The following ACAA1 variants were observed in gnomAD, a reference collection of about 807,000 sequenced individuals.
ACAA1 encodes the protein 3-ketoacyl-CoA thiolase, peroxisomal.
In ACAA1, 44 loss-of-function variants were observed where a neutral mutation model predicts 48.8. The observed-to-expected ratio is 0.90, with a 90% confidence interval of 0.71 to 1.16. ACAA1 has a LOEUF of 1.16. Among genes scored for constraint, ACAA1 ranks in the 50% most tolerant of loss-of-function variants. The pLI is 0.00. For missense variants in ACAA1, 512 were observed against 562.3 expected (o/e 0.91, Z 0.90); for synonymous variants, 233 against 226.5 (o/e 1.03, Z -0.26).
intron 4 of ACAA1, 44 bp downstream of exon 4, chr3:38,131,882 A>T (rs1700796480): frequency 6.4e-7 from 1 of 1,567,618 alleles, no homozygotes; most frequent in South Asian, 1.1e-5. Context: ...GCTGACCCAA[A>T]CCCACAGGTC....
intron 5 of ACAA1, among the ~76,000 whole-genome samples, chr3:38,131,140 G>T (rs939554948): frequency 7.2e-5 from 11 of 152,344 alleles, no homozygotes; most frequent in African/African-American, 2.6e-4. Context: ...GCAGCTGGAA[G>T]TTTCCACACT....
chr3:38,125,482 C>G, intron 11 of ACAA1, 83 bp downstream of exon 11: 1 of 1,475,020 alleles, frequency 6.8e-7, no homozygotes, highest in Non-Finnish European at 9.1e-7. Context: ...TGATCCAAAG[C>G]CCACCTACCT....
Position 38,129,443 on chromosome 3 carries a change from C to T in ACAA1, c.447-55G>A. The T allele has an allele frequency of 1.4e-6, 2 of 1,384,288 alleles. No individual in the cohort carries two copies. Among genetic ancestry groups the T allele is most frequent in the South Asian group, 1.2e-5 (1 of 85,184 alleles). The allele number at this position is 1,384,288 out of a possible 1,614,324, so 85.8% of individuals were successfully genotyped here. The stretch of plus-strand genomic sequence containing the variant: ...AGGTGAACTGGGCCCTAGCAGGACT[C>T]CTCCAGAGATAGCTGAACACTTGGC... On this transcript the variant is annotated intron_variant, in intron 5 of 11. Transcript: ENST00000333167. This position sits in a 1 kb window ranked among gnomAD's most constrained non-coding sequence, Gnocchi z 5.3.
chr3:38,122,849 G>A lies in ACAA1; in HGVS notation c.*198C>T. The A allele has an allele frequency of 1.3e-6, 1 of 797,460 alleles. No individual in the cohort carries two copies. The highest frequency in any genetic ancestry group is 1.9e-6 in the Non-Finnish European group (1 of 518,244). 49.4% of individuals were successfully genotyped at this position (797,460 alleles called of 1,614,324 possible). On this transcript the variant is annotated 3_prime_UTR_variant, in exon 12 of 12. Transcript: ENST00000333167. ...TTGCACAGCTAAAGAGGGTCTGATG[G>A]GTGGCTCAACACCCCACCCACTCCT...
At chr3:38,127,977 A>T in intron 6 of ACAA1, 111 bp from the exon 7 acceptor site, 2 of 991,456 alleles carry the variant, frequency 2.0e-6, no homozygotes, top group Non-Finnish European at 3.2e-6. Context: ...TAGGCAGGAC[A>T]GGATGTAAGG....
At chr3:38,135,544 A>G (rs1322860692) in intron 2 of ACAA1, among the ~76,000 whole-genome samples, 2 of 152,140 alleles carry the variant, frequency 1.3e-5, no homozygotes, top group East Asian at 3.9e-4. Context: ...AAGTTTAAGG[A>G]AAGGTGCTGT....
intron 4 of ACAA1, 120 bp from the exon 5 acceptor site, chr3:38,131,758 C>A (rs1700793564): frequency 1.5e-6 from 2 of 1,321,178 alleles, no homozygotes; most frequent in Non-Finnish European, 2.2e-6. Context: ...AAATGGAAGA[C>A]CCAGGAGTGT....
In ACAA1 at chr3:38,126,494, C is replaced by G; in HGVS notation, c.817+16G>C. On this transcript the variant is annotated intron_variant, in intron 8 of 11. Coordinates refer to ENST00000333167, the MANE Select transcript of ACAA1 (RefSeq NM_001607.4). This position sits in a 1 kb window ranked among gnomAD's most constrained non-coding sequence, Gnocchi z 4.7. The stretch of plus-strand genomic sequence containing the variant: ...ATGGCCTGCTTTCTCATACCCCTAC[C>G]CCGGACCAGTCTCACCAGCTGTGGT... 1 of 1,614,204 alleles carries G rather than the reference C, an allele frequency of 6.2e-7. No individual in the cohort carries two copies. The highest frequency in any genetic ancestry group is 8.5e-7 in the Non-Finnish European group (1 of 1,180,040).
intron 6 of ACAA1, among the ~76,000 whole-genome samples, chr3:38,128,143 C>T (rs1039226310): frequency 2.0e-5 from 3 of 152,090 alleles, no homozygotes; most frequent in Non-Finnish European, 4.4e-5. Flanking sequence ...GGGCAGCCTG[C>T]ATGGGGGCAG....
intron 3 of ACAA1, among the ~76,000 whole-genome samples, chr3:38,133,079 G>A (rs1044825716): frequency 6.6e-6 from 1 of 152,198 alleles, no homozygotes; most frequent in Non-Finnish European, 1.5e-5. Flanking sequence ...CTGCTGGAGA[G>A]GAAGGGGCTC....
Position 38,129,196 on chromosome 3 carries a change from C to T in ACAA1, c.545+94G>A. The T allele has an allele frequency of 8.5e-7, 1 of 1,174,706 alleles. No individual in the cohort carries two copies. 72.8% of individuals were successfully genotyped at this position (1,174,706 alleles called of 1,614,324 possible). ...CATGCCCAAAGGAAGGAGGCCAAGG[C>T]TTGGCACCACCAGCCACAGAGATGA... On this transcript the variant is annotated intron_variant, in intron 6 of 11. Coordinates refer to ENST00000333167, the MANE Select transcript of ACAA1 (RefSeq NM_001607.4). The surrounding 1 kb of genome is among the most constrained non-coding windows in gnomAD (Gnocchi z 5.3).
chr3:38,136,018 G>A (rs1559480335), intron 2 of ACAA1, among the ~76,000 whole-genome samples: 1 of 152,156 alleles, frequency 6.6e-6, no homozygotes, highest in Non-Finnish European at 1.5e-5. Context: ...TGTGTACCTG[G>A]TTAATCGAGA....
chr3:38,125,529 C>T, intron 11 of ACAA1, 36 bp downstream of exon 11: 3 of 1,510,310 alleles, frequency 2.0e-6, no homozygotes, highest in South Asian at 1.3e-5. Flanking sequence ...ACTTGGATAT[C>T]CCCCTATGAC....
chr3:38,123,479 A>C (rs754484597), intron 11 of ACAA1: 4 of 189,986 alleles, frequency 2.1e-5, no homozygotes, highest in African/African-American at 7.0e-5. Flanking sequence ...CAAAATCCCT[A>C]AAGTCTAAAA....
At chr3:38,136,793 C>T (rs1700908661) in intron 1 of ACAA1, 72 bp downstream of exon 1, 1 of 1,487,238 alleles carries the variant, frequency 6.7e-7, no homozygotes, top group Non-Finnish European at 8.9e-7. Flanking sequence ...CCAGGATAAC[C>T]AAACATACGA....
chr3:38,131,630 T>G lies in ACAA1; in HGVS notation c.412A>C (p.Arg138=), dbSNP rs1700791236. The change falls in exon 5 of 12, where the codon AGA becomes CGA. Residue 138 remains arginine, a synonymous_variant. Transcript: ENST00000333167. ...ATGCCAATGTCATAAGACCCATTTC[T>G]GATGCCACCTGTAACAAAAGCATTT... ...QAVASIAGGI[R]NGSYDIGMAC... 6.2e-7 allele frequency: 1 copy of G among 1,614,252 alleles called. No individual in the cohort carries two copies. The highest frequency in any genetic ancestry group is 1.3e-5 in the African/African-American group (1 of 75,076).
Position 38,122,990 on chromosome 3 carries a change from G to A in ACAA1, c.*57C>T, listed in dbSNP as rs1700567412. On this transcript the variant is annotated 3_prime_UTR_variant, in exon 12 of 12. Coordinates refer to ENST00000333167, the MANE Select transcript of ACAA1 (RefSeq NM_001607.4). ...GTGGTTTTGCTTTTGTGGTGTTACT[G>A]CCTTGCTGCTAGAGCAGCAGGACTG... is the stretch of plus-strand genomic sequence containing the variant. The A allele has an allele frequency of 3.2e-6, 5 of 1,576,036 alleles. No individual in the cohort carries two copies. The South Asian group carries it at 4.4e-5, about 14-fold the overall frequency.
intron 5 of ACAA1, among the ~76,000 whole-genome samples, chr3:38,131,169 C>A (rs1351781950): frequency 6.6e-6 from 1 of 152,182 alleles, no homozygotes; most frequent in Non-Finnish European, 1.5e-5. Flanking sequence ...GGTGGGGAGA[C>A]AAAGGGACAG....
In ACAA1 at chr3:38,126,713, T is replaced by C. The variant is rs200810325; in HGVS notation, c.627-13A>G. 1.9e-6 allele frequency: 3 copies of C among 1,612,886 alleles called. No individual in the cohort carries two copies. The highest frequency in any genetic ancestry group is 1.3e-5 in the African/African-American group (1 of 75,030). On this transcript the variant is annotated splice_polypyrimidine_tract_variant and intron_variant, in intron 7 of 11. Transcript: ENST00000333167. This position sits in a 1 kb window ranked among gnomAD's most constrained non-coding sequence, Gnocchi z 4.7. Reference sequence around the variant, plus strand: ...GGCTCTTGCTGCCCTGCCAGCACCATGGACAGCCAGCTTCAGACTCCCTTG... The same window carrying C: ...GGCTCTTGCTGCCCTGCCAGCACCACGGACAGCCAGCTTCAGACTCCCTTG...
Sources: gnomAD v4.1 joint callset for allele counts (sites outside exome capture counted in the v4.1 genomes callset) on GRCh38, gnomAD v4.1.1 for gene constraint, Gnocchi (gnomAD v3.1) non-coding constraint, MANE v1.5 for transcripts, NCBI Gene and HGNC (gene_info 2026-07-23, HGNC 2026-07-21) for gene names.